Variants in NHSL1 observed in about 807,000 individuals in gnomAD.
NHSL1 encodes the protein NHS-like protein 1.
In NHSL1, 48 loss-of-function variants were observed where a neutral mutation model predicts 95.0. The ratio of observed to expected loss-of-function variants is 0.51; its 90% CI spans 0.40 to 0.64. The LOEUF (loss-of-function observed/expected upper bound fraction) is 0.64, where lower values mean the gene tolerates loss of function less well. Ranked by LOEUF, NHSL1 falls within the 30% of genes least tolerant of loss-of-function variation. The probability of loss-of-function intolerance (pLI) is 0.00; values close to 1 mark genes in which losing one functional copy is unlikely to be tolerated. For synonymous variants in NHSL1, 783 were observed against 833.9 expected (o/e 0.94, Z 1.05); for missense variants, 1,971 against 2,077.7 (o/e 0.95, Z 1.00).
At chr6:138,437,393 T>TATATATATACACATATATATATACAC in intron 5 of NHSL1, among the ~76,000 whole-genome samples, 1 of 110,112 alleles carries the variant, frequency 9.1e-6, no homozygotes, top group African/African-American at 4.0e-5. Context: ...TATACACATA[T>TATATATATACACATATATATATACAC]ATATATATAT....
intron 1 of NHSL1, among the ~76,000 whole-genome samples, chr6:138,640,452 G>A (rs577661802): frequency 6.6e-6 from 1 of 151,864 alleles, no homozygotes; most frequent in Middle Eastern, 3.4e-3. Context: ...GATTTTCTTC[G>A]GCCTCTGCCA....
chr6:138,624,948 G>T (rs1784715577), intron 1 of NHSL1, among the ~76,000 whole-genome samples: 1 of 152,134 alleles, frequency 6.6e-6, no homozygotes, highest in Non-Finnish European at 1.5e-5. Flanking sequence ...CAGAATTGAT[G>T]ATTAAAGAAC....
Position 138,444,550 on chromosome 6 carries a change from G to A in NHSL1, c.533-2436C>T, listed in dbSNP as rs565689815. ...CTAACATTCTACCTCTATGCATGGT[G>A]GGCTGCACTCTGGATTTGAAATCGC... is the stretch of plus-strand genomic sequence containing the variant. On this transcript the variant is annotated intron_variant, in intron 4 of 7. Coordinates refer to ENST00000343505, the MANE Select transcript of NHSL1 (RefSeq NM_001144060.2). Among the ~76,000 whole-genome samples, 10 of 151,860 alleles carry A rather than the reference G, an allele frequency of 6.6e-5. No homozygotes were observed. In the South Asian group the frequency reaches 1.7e-3, roughly 25 times the overall value.
At chr6:138,648,856 T>C (rs1167494700) in intron 1 of NHSL1, among the ~76,000 whole-genome samples, 1 of 152,122 alleles carries the variant, frequency 6.6e-6, no homozygotes, top group Non-Finnish European at 1.5e-5. Context: ...GGAAAATATT[T>C]GAAAGCAAGG....
chr6:138,645,710 G>A (rs185629960), intron 1 of NHSL1, among the ~76,000 whole-genome samples: 49 of 152,024 alleles, frequency 3.2e-4, no homozygotes, highest in African/African-American at 9.9e-4. Flanking sequence ...GTTTCACCAT[G>A]TTGGCCACGA....
At chr6:138,441,532 T>A (rs1053915812) in intron 5 of NHSL1, among the ~76,000 whole-genome samples, 2 of 152,208 alleles carry the variant, frequency 1.3e-5, no homozygotes, top group African/African-American at 2.4e-5. Flanking sequence ...TTACCAATAA[T>A]CCCAGACTGT....
chr6:138,490,414 C>T (rs1780003719), intron 2 of NHSL1, among the ~76,000 whole-genome samples: 1 of 152,058 alleles, frequency 6.6e-6, no homozygotes, highest in Admixed American at 6.6e-5. Context: ...CCCACGTGCT[C>T]TAGGCAGATA....
chr6:138,545,850 C>A (rs925375238), upstream of NHSL1: 1 of 1,126,128 alleles, frequency 8.9e-7, no homozygotes, highest in Non-Finnish European at 1.1e-6. Context: ...TTATTTCACA[C>A]CATGGAATCA....
chr6:138,482,540 T>C (rs1779491370), intron 2 of NHSL1, among the ~76,000 whole-genome samples: 1 of 152,104 alleles, frequency 6.6e-6, no homozygotes, highest in Non-Finnish European at 1.5e-5. Context: ...GACAATTATG[T>C]TTTCTTTCCA....
rs139529029 is a variant in NHSL1, at chr6:138,468,197, T to G, written c.339+5109A>C. Among the ~76,000 whole-genome samples, 12 of 152,350 alleles carry G rather than the reference T, an allele frequency of 7.9e-5. No individual in the cohort carries two copies. The East Asian group carries it at 2.3e-3, about 29-fold the overall frequency. ...CAACTTCCAGTCCTGCAAGCTCCAT[T>G]CATGGTAAGTGCCCTATTGAGGTGT... On this transcript the variant is annotated intron_variant, in intron 3 of 7. Transcript: ENST00000343505.
intron 1 of NHSL1, among the ~76,000 whole-genome samples, chr6:138,592,098 A>C (rs941385959): frequency 6.6e-6 from 1 of 152,226 alleles, no homozygotes; most frequent in African/African-American, 2.4e-5. Context: ...CAAACTAAAG[A>C]GAATTTAATT....
At chr6:138,530,581 T>C (rs867533698) in intron 1 of NHSL1, among the ~76,000 whole-genome samples, 7 of 152,302 alleles carry the variant, frequency 4.6e-5, no homozygotes, top group Non-Finnish European at 1.5e-5. Context: ...ATACACACCA[T>C]AGAATACTAC....
At chr6:138,508,376 T>C (rs1370193658) in intron 1 of NHSL1, among the ~76,000 whole-genome samples, 2 of 152,156 alleles carry the variant, frequency 1.3e-5, no homozygotes, top group South Asian at 2.1e-4. Context: ...TGGGTGCTGA[T>C]GTTGGAATTA....
At chr6:138,601,797 C>T (rs754428708) in intron 1 of NHSL1, among the ~76,000 whole-genome samples, 1 of 151,548 alleles carries the variant, frequency 6.6e-6, no homozygotes, top group African/African-American at 2.4e-5. Flanking sequence ...GGCGACAGAG[C>T]GAGACTCCAT....
upstream of NHSL1, among the ~76,000 whole-genome samples, chr6:138,501,968 G>T (rs9495090): frequency 0.16 from 24,716 of 151,978 alleles, 2,064 homozygotes; most frequent in Middle Eastern, 0.25. Flanking sequence ...TTTTATTGTG[G>T]TTTTTTCCCC....
chr6:138,619,947 C>CAAAAAAAAAAAAAAAAAA, intron 1 of NHSL1, among the ~76,000 whole-genome samples: 1 of 102,200 alleles, frequency 9.8e-6, no homozygotes, highest in Non-Finnish European at 2.0e-5. Flanking sequence ...AACTCTATCA[C>CAAAAAAAAAAAAAAAAAA]AAAAAAAAAA....
chr6:138,544,983 C>CTTTTTTTTTT (rs35979187), intron 1 of NHSL1, among the ~76,000 whole-genome samples: 337 of 83,412 alleles, frequency 4.0e-3, no homozygotes, highest in Middle Eastern at 0.011. Flanking sequence ...TCTTTCTTTT[C>CTTTTTTTTTT]TTTTTTTTTT....
At chr6:138,595,727 C>T (rs909704905) in intron 1 of NHSL1, among the ~76,000 whole-genome samples, 2 of 152,072 alleles carry the variant, frequency 1.3e-5, no homozygotes, top group Non-Finnish European at 2.9e-5. Context: ...TATTTATGTA[C>T]AATGAATGGG....
At position 138,442,844 on chromosome 6, in the gene NHSL1, T is replaced by C. The variant is rs145947035; in HGVS notation, c.533-730A>G. Among the ~76,000 whole-genome samples the C allele has an allele frequency of 5.4e-3, 819 of 152,268 alleles. 8 individuals carry two copies. The highest frequency in any genetic ancestry group is 0.019 in the African/African-American group (777 of 41,550). On this transcript the variant is annotated intron_variant, in intron 4 of 7. Transcript: ENST00000343505. ...GAATGCCACATCATAGGACTTCTTT[T>C]TTTCCTTCTAGAGTGTAGGTGTGTT...
Sources: allele counts gnomAD v4.1 joint callset (sites outside exome capture counted in the v4.1 genomes callset), GRCh38; gene constraint gnomAD v4.1.1; transcripts MANE v1.5; gene names NCBI Gene and HGNC (gene_info 2026-07-23, HGNC 2026-07-21).